SUGCT: variants seen among roughly 807,000 people sequenced by gnomAD.
The protein encoded by SUGCT is succinyl-CoA:glutarate CoA-transferase.
Under a neutral mutation model 55.0 loss-of-function variants are expected in SUGCT, and 41 were observed. That is an observed-to-expected ratio of 0.74 (90% CI 0.58 to 0.97). The LOEUF (loss-of-function observed/expected upper bound fraction) is 0.97. Ranked by LOEUF, SUGCT falls within the 50% of genes least tolerant of loss-of-function variation. The probability of loss-of-function intolerance (pLI) is 0.00; values close to 1 mark genes in which losing one functional copy is unlikely to be tolerated. For synonymous variants in SUGCT, 187 were observed against 200.4 expected, an observed-to-expected ratio of 0.93 and a Z score of 0.56; for missense variants, 568 against 547.8, an observed-to-expected ratio of 1.04 and a Z score of -0.37.
chr7:40,952,199 A>G, the SUGCT span, among the ~76,000 whole-genome samples: 1,663 of 152,244 alleles, frequency 0.011, 32 homozygotes, highest in African/African-American at 0.038. Flanking sequence ...TCCCTTTACT[A>G]TTATGTAATG....
intron 8 of SUGCT, among the ~76,000 whole-genome samples, chr7:40,287,241 A>G (rs997842419): frequency 1.3e-5 from 2 of 152,144 alleles, no homozygotes; most frequent in African/African-American, 2.4e-5. Flanking sequence ...TAGTTCTAAG[A>G]GTATTTTAGT....
chr7:40,566,005 A>G (rs1300424527), intron 12 of SUGCT, among the ~76,000 whole-genome samples: 3 of 148,890 alleles, frequency 2.0e-5, no homozygotes, highest in Admixed American at 6.7e-5. Context: ...ACACACACAC[A>G]CACACACACA....
At chr7:40,355,676 T>C (rs1767584459) in intron 9 of SUGCT, among the ~76,000 whole-genome samples, 1 of 152,222 alleles carries the variant, frequency 6.6e-6, no homozygotes, top group South Asian at 2.1e-4. Context: ...ATAAGACAGA[T>C]TTACTAATGA....
At chr7:40,624,791 ACACACACACACACACACACACG>A (rs1799440989) in intron 12 of SUGCT, among the ~76,000 whole-genome samples, 1 of 145,752 alleles carries the variant, frequency 6.9e-6, no homozygotes, top group African/African-American at 2.7e-5. Flanking sequence ...ACACACACAC[ACACACACACACACACACACACG>A]CACACCACAA....
chr7:40,885,973 C>G, the SUGCT span, among the ~76,000 whole-genome samples: 1 of 152,120 alleles, frequency 6.6e-6, no homozygotes, highest in Admixed American at 6.5e-5. Context: ...ACCTTTCCCC[C>G]GACTTTTAAG....
intron 13 of SUGCT, among the ~76,000 whole-genome samples, chr7:40,840,657 A>G (rs951800510): frequency 1.3e-5 from 2 of 151,642 alleles, no homozygotes; most frequent in Non-Finnish European, 2.9e-5. Flanking sequence ...AACTAGGGGG[A>G]AAAAAAGTAA....
At chr7:40,292,368 G>A (rs1257556776) in intron 8 of SUGCT, among the ~76,000 whole-genome samples, 3 of 152,160 alleles carry the variant, frequency 2.0e-5, no homozygotes, top group South Asian at 4.2e-4. Context: ...TTCTTGGTGG[G>A]ATAGTTATTT....
intron 12 of SUGCT, among the ~76,000 whole-genome samples, chr7:40,689,065 G>C (rs1414540284): frequency 6.6e-6 from 1 of 152,136 alleles, no homozygotes. Flanking sequence ...GAAAAGGAGA[G>C]ACTTATTTTT....
At chr7:40,672,640 G>A (rs931416026) in intron 12 of SUGCT, among the ~76,000 whole-genome samples, 2 of 152,106 alleles carry the variant, frequency 1.3e-5, no homozygotes, top group Non-Finnish European at 2.9e-5. Context: ...TGTGGTGATG[G>A]AATATATCTT....
intron 9 of SUGCT, among the ~76,000 whole-genome samples, chr7:40,373,642 G>T (rs1784407006): frequency 6.6e-6 from 1 of 151,886 alleles, no homozygotes; most frequent in Admixed American, 6.6e-5. Flanking sequence ...ATTTTTGATT[G>T]TCCTTGATAT....
At chr7:40,717,817 A>G (rs897288146) in intron 12 of SUGCT, among the ~76,000 whole-genome samples, 1 of 152,188 alleles carries the variant, frequency 6.6e-6, no homozygotes, top group African/African-American at 2.4e-5. Context: ...ATATCCATAG[A>G]CATAGTTATA....
At chr7:40,175,422 G>T (rs1351378986) in intron 1 of SUGCT, among the ~76,000 whole-genome samples, 1 of 152,142 alleles carries the variant, frequency 6.6e-6, no homozygotes, top group African/African-American at 2.4e-5. Context: ...GTTTCGCCAT[G>T]CTGGCCAGGC....
At chr7:40,853,149 T>C (rs1390179468) in intron 13 of SUGCT, among the ~76,000 whole-genome samples, 5 of 151,894 alleles carry the variant, frequency 3.3e-5, no homozygotes, top group African/African-American at 1.2e-4. Context: ...TGCTAATATA[T>C]ATGTAGATCA....
At chr7:40,253,915 AACTT>A (rs1246678427) in intron 7 of SUGCT, among the ~76,000 whole-genome samples, 1 of 152,212 alleles carries the variant, frequency 6.6e-6, no homozygotes, top group Non-Finnish European at 1.5e-5. Context: ...ACCTTTACAC[AACTT>A]ACTTGTTGGT....
intron 12 of SUGCT, chr7:40,538,573 A>G (rs1794498021): frequency 6.6e-6 from 1 of 152,248 alleles, no homozygotes; most frequent in Admixed American, 6.5e-5. Flanking sequence ...GGTTGAAGCA[A>G]TGTAAAACAA....
intron 13 of SUGCT, among the ~76,000 whole-genome samples, chr7:40,811,118 A>G (rs1401508113): frequency 6.6e-6 from 1 of 152,000 alleles, no homozygotes; most frequent in Non-Finnish European, 1.5e-5. Context: ...CCATTGTTCT[A>G]TATTTCTGTT....
At chr7:41,009,674 A>G in the SUGCT span, among the ~76,000 whole-genome samples, 3 of 150,984 alleles carry the variant, frequency 2.0e-5, no homozygotes, top group Non-Finnish European at 4.4e-5. Context: ...TCCACCATCC[A>G]TCCGTCCTTC....
intron 12 of SUGCT, chr7:40,546,586 A>C (rs1170476948): frequency 6.6e-6 from 1 of 152,204 alleles, no homozygotes; most frequent in African/African-American, 2.4e-5. Flanking sequence ...AAAGCCTCTA[A>C]ATATTTTTTC....
At chr7:40,639,010 C>A (rs373330499) in intron 12 of SUGCT, among the ~76,000 whole-genome samples, 1 of 152,160 alleles carries the variant, frequency 6.6e-6, no homozygotes, top group Non-Finnish European at 1.5e-5. Context: ...AGAAATCTCA[C>A]GCTATTGAGA....
Sources: allele counts gnomAD v4.1 joint callset (sites outside exome capture counted in the v4.1 genomes callset), GRCh38; gene constraint gnomAD v4.1.1; transcripts MANE v1.5; gene names NCBI Gene and HGNC (gene_info 2026-07-23, HGNC 2026-07-21).